Variants in NBPF12 observed in about 807,000 individuals in gnomAD.
NBPF12 encodes NBPF member 12.
Under a neutral mutation model 146.4 loss-of-function variants are expected in NBPF12, and 115 were observed. The observed-to-expected ratio is 0.79, with a 90% confidence interval of 0.68 to 0.92. The LOEUF (loss-of-function observed/expected upper bound fraction) is 0.92. Ranked by LOEUF, NBPF12 falls within the 40% of genes least tolerant of loss-of-function variation. NBPF12 has a pLI of 0.00. For synonymous variants in NBPF12, 385 were observed against 508.9 expected (o/e 0.76, Z 3.28); for missense variants, 1,205 against 1,326.8 (o/e 0.91, Z 1.43).
rs1396014106 is a variant in NBPF12 at position 146,966,110 on chromosome 1, CAG to C, written c.779-352_779-351del. ...CGACAGAGTGAGACTCCGTCTCAAA[CAG>C]AAAACAAAAAACCAAAAAAGAAAAA... On this transcript the variant is annotated intron_variant, in intron 8 of 33. Transcript: ENST00000617844. Among the ~76,000 whole-genome samples the C allele has an allele frequency of 1.3e-3, 193 of 151,670 alleles. 3 individuals carry two copies. Among genetic ancestry groups the C allele is most frequent in the African/African-American group, 4.4e-3 (182 of 41,138 alleles).
At chr1:146,978,687 T>A (rs1657203343) in intron 18 of NBPF12, among the ~76,000 whole-genome samples, 1 of 149,280 alleles carries the variant, frequency 6.7e-6, no homozygotes, top group Admixed American at 6.8e-5. Context: ...TTGGAGATTT[T>A]TTTGGGGAAA....
chr1:146,963,232 C>G, exon 6 of NBPF12: 3 of 1,611,748 alleles, frequency 1.9e-6, no homozygotes, highest in Non-Finnish European at 2.5e-6. Flanking sequence ...CCGGACAAGT[C>G]CCAGGGGCAG....
chr1:146,940,029 G>T (rs1205691313), intron 1 of NBPF12, among the ~76,000 whole-genome samples: 1 of 151,506 alleles, frequency 6.6e-6, no homozygotes, highest in Non-Finnish European at 1.5e-5. Flanking sequence ...TTTTCTTTGA[G>T]TTACAGTGTT....
chr1:146,994,347 G>C (rs782188621), exon 34 of NBPF12: 1 of 1,611,672 alleles, frequency 6.2e-7, no homozygotes, highest in South Asian at 1.1e-5. Context: ...ACAGCGTGCT[G>C]ATGGAAGTGG....
chr1:146,950,425 A>G (rs1365151173), intron 1 of NBPF12, among the ~76,000 whole-genome samples: 20 of 151,956 alleles, frequency 1.3e-4, no homozygotes, highest in Admixed American at 1.2e-3. Context: ...ATTCTAGTTC[A>G]AAATGAGGGA....
At chr1:146,992,418 C>T (rs1658228439) in intron 31 of NBPF12, among the ~76,000 whole-genome samples, 1 of 138,396 alleles carries the variant, frequency 7.2e-6, no homozygotes, top group South Asian at 2.3e-4. Flanking sequence ...GTCACCTGGA[C>T]AATTCACTGA....
chr1:146,971,015 C>T (rs1656575911), intron 12 of NBPF12, among the ~76,000 whole-genome samples, 168 bp from the exon 16 acceptor site: 1 of 151,446 alleles, frequency 6.6e-6, no homozygotes, highest in Non-Finnish European at 1.5e-5. Context: ...GGCAGCCATG[C>T]TCTGTTGCAG....
intron 4 of NBPF12, among the ~76,000 whole-genome samples, chr1:146,961,023 G>C (rs1218022093): frequency 6.6e-6 from 1 of 152,100 alleles, no homozygotes; most frequent in Non-Finnish European, 1.5e-5. Flanking sequence ...GCGGGCAACT[G>C]TAATCACCAC....
At chr1:146,952,245 C>T (rs1460403631) in intron 2 of NBPF12, among the ~76,000 whole-genome samples, 3 of 152,060 alleles carry the variant, frequency 2.0e-5, no homozygotes, top group Admixed American at 1.3e-4. Flanking sequence ...CAAAGCATGG[C>T]TGAGGCTTGT....
chr1:146,938,499 G>A (rs1274167029), upstream of NBPF12, among the ~76,000 whole-genome samples: 8 of 152,260 alleles, frequency 5.3e-5, no homozygotes, highest in African/African-American at 1.9e-4. Context: ...AAAGAGAGGC[G>A]GAGGGGAGAG....
rs1656737954 is a variant in NBPF12 at position 146,972,746 on chromosome 1, C to G, written c.1592-5C>G. The stretch of plus-strand genomic sequence containing the variant: ...CCATCATGTGTTTGCCTTTCTTCTC[C>G]CCAGTCCCTGGCCCCACCTCTTCTG... On this transcript the variant is annotated splice_polypyrimidine_tract_variant and splice_region_variant and intron_variant, in intron 13 of 33. Transcript: ENST00000617844. 2 of 1,334,870 alleles carry G rather than the reference C, an allele frequency of 1.5e-6. No individual in the cohort carries two copies. Among genetic ancestry groups the G allele is most frequent in the Non-Finnish European group, 2.2e-6 (2 of 928,702 alleles). The allele number at this position is 1,334,870 out of a possible 1,614,324, so 82.7% of individuals were successfully genotyped here. A position where few individuals can be genotyped will look rare whatever the true frequency, so the allele number is the denominator to read the frequency against.
intron 19 of NBPF12, among the ~76,000 whole-genome samples, chr1:146,981,473 G>T (rs1219585260): frequency 6.6e-6 from 1 of 151,248 alleles, no homozygotes; most frequent in Non-Finnish European, 1.5e-5. Flanking sequence ...CTTTCTCTCT[G>T]GCTGCCCTTA....
At chr1:146,945,956 C>G (rs1261993790), upstream of NBPF12, among the ~76,000 whole-genome samples, 1 of 151,592 alleles carries the variant, frequency 6.6e-6, no homozygotes, top group African/African-American at 2.4e-5. Context: ...ATGCCTCCTC[C>G]TCTCCTCCAC....
intron 19 of NBPF12, among the ~76,000 whole-genome samples, chr1:146,981,295 ATATATAT>A (rs1267030965): frequency 1.3e-5 from 1 of 78,114 alleles, no homozygotes; most frequent in Non-Finnish European, 2.7e-5. Flanking sequence ...AAAAAAAAAA[ATATATAT>A]ATATATATAT....
At chr1:146,967,831 A>C (rs1304075884) in intron 9 of NBPF12, among the ~76,000 whole-genome samples, 19 of 150,944 alleles carry the variant, frequency 1.3e-4, no homozygotes, top group Non-Finnish European at 2.5e-4. Flanking sequence ...CAGAGTAAAC[A>C]CTATTAGTTC....
At chr1:146,959,518 A>T (rs1467367031) in intron 2 of NBPF12, among the ~76,000 whole-genome samples, 1 of 70,512 alleles carries the variant, frequency 1.4e-5, no homozygotes, top group African/African-American at 5.4e-5. Flanking sequence ...TCAAAACAAG[A>T]GAACATACTA....
intron 25 of NBPF12, 91 bp downstream of exon 28, chr1:146,987,376 C>A (rs1189772669): frequency 1.3e-6 from 1 of 787,798 alleles, no homozygotes; most frequent in Non-Finnish European, 2.3e-6. Flanking sequence ...TTATCGATTA[C>A]ATCTTTTCAA....
Position 146,968,969 on chromosome 1 carries a change from T to C in NBPF12, c.1092-413T>C, listed in dbSNP as rs1553886014. ...TCGACCCTGTCATTCTTTTCTTCTTTCATCTTTTCAATTCACCCCATCTGC... is the reference window on the plus strand; with the variant it reads ...TCGACCCTGTCATTCTTTTCTTCTTCCATCTTTTCAATTCACCCCATCTGC... On this transcript the variant is annotated intron_variant, in intron 10 of 33. Coordinates refer to ENST00000617844, the Ensembl canonical transcript of NBPF12. 5.9e-3 allele frequency among the ~76,000 whole-genome samples: 891 copies of C among 151,652 alleles called. 35 individuals are homozygous for C. Among genetic ancestry groups the C allele is most frequent in the African/African-American group, 0.021 (842 of 41,018 alleles).
intron 11 of NBPF12, among the ~76,000 whole-genome samples, 184 bp downstream of exon 14, chr1:146,969,780 A>T (rs1656462274): frequency 1.3e-5 from 2 of 151,414 alleles, no homozygotes; most frequent in Non-Finnish European, 2.9e-5. Context: ...TGGAGGTCCC[A>T]GTATTGCAAG....
Sources: allele counts gnomAD v4.1 joint callset (sites outside exome capture counted in the v4.1 genomes callset), GRCh38; gene constraint gnomAD v4.1.1; transcripts MANE v1.5; gene names NCBI Gene and HGNC (gene_info 2026-07-23, HGNC 2026-07-21).